Variants in CREB5 observed in about 807,000 individuals in gnomAD.
CREB5 encodes the protein cAMP responsive element binding protein 5.
In CREB5, 19 loss-of-function variants were observed where a neutral mutation model predicts 57.1. The ratio of observed to expected loss-of-function variants is 0.33; its 90% CI spans 0.23 to 0.49. The LOEUF (loss-of-function observed/expected upper bound fraction) is 0.49, where lower values mean the gene tolerates loss of function less well. Among genes scored for constraint, CREB5 ranks in the 20% least tolerant of loss-of-function variants. The pLI, the probability that CREB5 is intolerant of heterozygous loss-of-function variation, is 0.99. For synonymous variants in CREB5, 238 were observed against 238.3 expected, an observed-to-expected ratio of 1.00 and a Z score of 0.01; for missense variants, 579 against 671.6, an observed-to-expected ratio of 0.86 and a Z score of 1.52.
At chr7:28,527,567 A>C (rs1793500139) in intron 4 of CREB5, among the ~76,000 whole-genome samples, 1 of 152,212 alleles carries the variant, frequency 6.6e-6, no homozygotes, top group Non-Finnish European at 1.5e-5. Flanking sequence ...CTGTAATCCC[A>C]GTGCTGTGAG....
intron 1 of CREB5, among the ~76,000 whole-genome samples, chr7:28,397,724 T>A (rs1453163124): frequency 6.6e-6 from 1 of 152,132 alleles, no homozygotes; most frequent in Non-Finnish European, 1.5e-5. Context: ...TCCTAAACCA[T>A]CACAACACCT....
At chr7:28,803,325 G>A (rs1484760357) in intron 7 of CREB5, among the ~76,000 whole-genome samples, 4 of 152,156 alleles carry the variant, frequency 2.6e-5, no homozygotes, top group Admixed American at 6.5e-5. Context: ...CATTACCTCC[G>A]AAGCTTGTAA....
At chr7:28,423,011 T>A (rs1788336060) in intron 1 of CREB5, among the ~76,000 whole-genome samples, 1 of 152,190 alleles carries the variant, frequency 6.6e-6, no homozygotes, top group African/African-American at 2.4e-5. Flanking sequence ...ATCCCAGGGC[T>A]TAAGTGGTAT....
intron 7 of CREB5, among the ~76,000 whole-genome samples, chr7:28,785,861 C>T (rs1295535067): frequency 1.3e-4 from 20 of 152,178 alleles, no homozygotes. Context: ...GAAGAATGCA[C>T]TTGAACTCCA....
intron 4 of CREB5, among the ~76,000 whole-genome samples, chr7:28,554,958 A>G (rs958994048): frequency 1.3e-5 from 2 of 152,216 alleles, no homozygotes; most frequent in Non-Finnish European, 2.9e-5. Context: ...TAATTGGATC[A>G]TGTCACAAAA....
intron 5 of CREB5, among the ~76,000 whole-genome samples, chr7:28,652,209 C>A (rs746429292): frequency 2.6e-5 from 4 of 151,944 alleles, no homozygotes; most frequent in African/African-American, 7.3e-5. Context: ...ATATTAATGA[C>A]TTTTTCTACT....
chr7:28,351,871 A>T (rs952265848), intron 1 of CREB5, among the ~76,000 whole-genome samples: 1 of 152,208 alleles, frequency 6.6e-6, no homozygotes, highest in Non-Finnish European at 1.5e-5. Flanking sequence ...TAATAAAGGG[A>T]TAGTGATGAG....
chr7:28,301,371 C>T (rs1320888782), intron 1 of CREB5, among the ~76,000 whole-genome samples: 3 of 152,204 alleles, frequency 2.0e-5, no homozygotes, highest in Non-Finnish European at 4.4e-5. Context: ...TAGACGAGTG[C>T]TACTCAAACA....
intron 5 of CREB5, among the ~76,000 whole-genome samples, chr7:28,628,664 G>A (rs1416625689): frequency 1.3e-5 from 2 of 152,150 alleles, no homozygotes. Context: ...TGGGCTCTTA[G>A]GGTCCAACAG....
At chr7:28,353,601 T>C (rs1005327650) in intron 1 of CREB5, among the ~76,000 whole-genome samples, 1 of 151,954 alleles carries the variant, frequency 6.6e-6, no homozygotes, top group Non-Finnish European at 1.5e-5. Context: ...CCCAGCACTT[T>C]GGGAGGCCGA....
At chr7:28,427,648 G>A (rs1788561021) in intron 1 of CREB5, among the ~76,000 whole-genome samples, 1 of 151,920 alleles carries the variant, frequency 6.6e-6, no homozygotes, top group South Asian at 2.1e-4. Flanking sequence ...ACAGGGACTT[G>A]GGGTCTGCCC....
At chr7:28,486,039 A>G (rs189127890) in intron 1 of CREB5, among the ~76,000 whole-genome samples, 3 of 152,316 alleles carry the variant, frequency 2.0e-5, no homozygotes, top group Admixed American at 2.0e-4. Flanking sequence ...TTTGAACAAT[A>G]TGCTTAATAC....
intron 1 of CREB5, among the ~76,000 whole-genome samples, chr7:28,474,700 C>T (rs1202613745): frequency 2.0e-5 from 3 of 152,086 alleles, no homozygotes; most frequent in Non-Finnish European, 4.4e-5. Flanking sequence ...GCTATCACTT[C>T]GAGAAGACCA....
intron 2 of CREB5, 151 bp from the exon 3 acceptor site, chr7:28,494,754 GC>G (rs1254194783): frequency 1.8e-6 from 1 of 557,050 alleles, no homozygotes; most frequent in East Asian, 3.0e-5. Flanking sequence ...ACTTACTCAT[GC>G]TTTCACACTT....
intron 5 of CREB5, among the ~76,000 whole-genome samples, chr7:28,718,552 T>C (rs1239572346): frequency 6.6e-6 from 1 of 152,214 alleles, no homozygotes; most frequent in African/African-American, 2.4e-5. Flanking sequence ...GAATTTGATA[T>C]ATTAACTAGG....
intron 4 of CREB5, among the ~76,000 whole-genome samples, chr7:28,534,245 G>T (rs1039861973): frequency 7.9e-5 from 12 of 152,208 alleles, no homozygotes; most frequent in African/African-American, 2.9e-4. Flanking sequence ...GTCTTTCAGA[G>T]ATTACTCTGT....
chr7:28,650,475 CT>C (rs1169791625), intron 5 of CREB5, among the ~76,000 whole-genome samples: 1 of 152,130 alleles, frequency 6.6e-6, no homozygotes, highest in African/African-American at 2.4e-5. Context: ...GAACTGATTA[CT>C]TCTGCCAGGA....
intron 1 of CREB5, among the ~76,000 whole-genome samples, chr7:28,360,532 G>A (rs1786453301): frequency 6.6e-6 from 1 of 152,132 alleles, no homozygotes; most frequent in African/African-American, 2.4e-5. Flanking sequence ...ACTCACAGAA[G>A]CAGAGAGTAC....
In CREB5 at chr7:28,819,527, C is replaced by A; in HGVS notation, c.*248C>A. On this transcript the variant is annotated 3_prime_UTR_variant, in exon 11 of 11. Coordinates refer to ENST00000357727, the MANE Select transcript of CREB5 (RefSeq NM_182898.4). ...GTGCTTTTCTCCAGTTTTCTGGTAC[C>A]AGTTACTTGTTTATAAACTGAACCT... is the stretch of plus-strand genomic sequence containing the variant. 2.3e-6 allele frequency: 1 copy of A among 429,712 alleles called. No homozygotes were observed. Among genetic ancestry groups the A allele is most frequent in the Non-Finnish European group, 4.1e-6 (1 of 243,248 alleles). 26.6% of individuals were successfully genotyped at this position (429,712 alleles called of 1,614,324 possible).
Sources: gnomAD v4.1 joint callset for allele counts (sites outside exome capture counted in the v4.1 genomes callset) on GRCh38, gnomAD v4.1.1 for gene constraint, MANE v1.5 for transcripts, NCBI Gene and HGNC (gene_info 2026-07-23, HGNC 2026-07-21) for gene names.